Variants in RBM6 observed in about 807,000 individuals in gnomAD.
The protein encoded by RBM6 is RNA-binding protein 6.
Under a neutral mutation model 140.4 loss-of-function variants are expected in RBM6, and 23 were observed. The observed-to-expected ratio is 0.16, with a 90% CI of 0.12 to 0.23. The LOEUF is 0.23. RBM6 is among the 10% of genes least tolerant of loss of function. The pLI, the probability that RBM6 is intolerant of heterozygous loss-of-function variation, is 1.00. For synonymous variants in RBM6, 439 were observed against 475.6 expected, an observed-to-expected ratio of 0.92 and a Z score of 1.00; for missense variants, 1,139 against 1,386.7, an observed-to-expected ratio of 0.82 and a Z score of 2.84.
intron 1 of RBM6, among the ~76,000 whole-genome samples, chr3:49,954,059 C>T (rs1055943582): frequency 1.3e-5 from 2 of 151,548 alleles, no homozygotes; most frequent in Non-Finnish European, 2.9e-5. Flanking sequence ...TGGCTGGAGC[C>T]AGGGAAGCAG....
At chr3:49,946,264 A>C (rs1298442359) in intron 1 of RBM6, among the ~76,000 whole-genome samples, 1 of 151,244 alleles carries the variant, frequency 6.6e-6, no homozygotes, top group Non-Finnish European at 1.5e-5. Flanking sequence ...TTTTGGAGAC[A>C]GATTCTCGCT....
rs2084825935 is a variant in RBM6 at position 49,972,165 on chromosome 3, C to G, written c.1413+17C>G. The G allele has an allele frequency of 1.3e-6, 2 of 1,539,012 alleles. No individual in the cohort carries two copies. Among genetic ancestry groups the G allele is most frequent in the African/African-American group, 1.4e-5 (1 of 72,366 alleles). ...AAAGAAGAGGTAAGGCATGTCTTCTCTCCTGTTTCTCTGTGTCAATTAAAA... is the reference window on the plus strand; with the variant it reads ...AAAGAAGAGGTAAGGCATGTCTTCTGTCCTGTTTCTCTGTGTCAATTAAAA... On this transcript the variant is annotated intron_variant, in intron 4 of 20. Transcript: ENST00000266022.
At chr3:49,959,571 GTTT>G (rs551329901) in intron 1 of RBM6, among the ~76,000 whole-genome samples, 1 of 114,198 alleles carries the variant, frequency 8.8e-6, no homozygotes, top group Non-Finnish European at 1.8e-5. Context: ...TATATTTAGG[GTTT>G]TTTTTTTTTT....
intron 6 of RBM6, among the ~76,000 whole-genome samples, chr3:50,024,651 C>T (rs576937524): frequency 2.0e-5 from 3 of 152,062 alleles, no homozygotes; most frequent in African/African-American, 4.8e-5. Flanking sequence ...AACCACCACC[C>T]GAATGAAAAA....
intron 5 of RBM6, among the ~76,000 whole-genome samples, chr3:49,976,080 A>G (rs1421404023): frequency 6.6e-6 from 1 of 152,198 alleles, no homozygotes; most frequent in East Asian, 1.9e-4. Context: ...TATGTATAAT[A>G]ATAAGTTTAT....
intron 6 of RBM6, among the ~76,000 whole-genome samples, chr3:50,034,679 T>C (rs1473211285): frequency 6.6e-6 from 1 of 152,086 alleles, no homozygotes; most frequent in Non-Finnish European, 1.5e-5. Flanking sequence ...GAGAATTGCT[T>C]GAACCCGGGA....
chr3:49,951,937 G>A (rs145852415), intron 1 of RBM6, among the ~76,000 whole-genome samples: 30 of 152,212 alleles, frequency 2.0e-4, no homozygotes, highest in African/African-American at 6.5e-4. Context: ...TGGTCAGGCT[G>A]GTCTTGATCT....
chr3:49,948,492 C>T (rs533445596), intron 1 of RBM6, among the ~76,000 whole-genome samples: 17 of 151,832 alleles, frequency 1.1e-4, no homozygotes, highest in African/African-American at 2.4e-4. Flanking sequence ...TTTGGGAGGC[C>T]GAGGCAGGTC....
intron 4 of RBM6, among the ~76,000 whole-genome samples, chr3:49,974,673 ATTTTTTTTTTTT>A (rs55872898): frequency 1.4e-5 from 1 of 72,450 alleles, no homozygotes; most frequent in Admixed American, 2.2e-4. Context: ...TGCCCGGCCA[ATTTTTTTTTTTT>A]TTTTTTTTTT....
chr3:49,975,596 A>G (rs757413510), intron 5 of RBM6, among the ~76,000 whole-genome samples: 16 of 152,234 alleles, frequency 1.1e-4, no homozygotes, highest in Non-Finnish European at 2.1e-4. Flanking sequence ...ATGAGGATGC[A>G]TGTTCCAGTT....
intron 16 of RBM6, 124 bp from the exon 17 acceptor site, chr3:50,066,118 A>G (rs1306251816): frequency 7.5e-6 from 8 of 1,063,390 alleles, no homozygotes; most frequent in Non-Finnish European, 1.1e-5. Context: ...AATGAGCAGC[A>G]TGGCTAGTGA....
chr3:49,981,831 G>T (rs2085317112), intron 5 of RBM6, among the ~76,000 whole-genome samples: 1 of 152,102 alleles, frequency 6.6e-6, no homozygotes, highest in Non-Finnish European at 1.5e-5. Context: ...AATTGCTTTT[G>T]ATTTTTAGGT....
chr3:49,984,634 TCG>T (rs1553643643), intron 5 of RBM6, among the ~76,000 whole-genome samples: 1 of 52,948 alleles, frequency 1.9e-5, no homozygotes, highest in Non-Finnish European at 6.0e-5. Flanking sequence ...TCGCATCGCA[TCG>T]CATCGCATCG....
intron 5 of RBM6, among the ~76,000 whole-genome samples, chr3:49,997,407 CGTT>C (rs1433257766): frequency 6.6e-6 from 1 of 152,280 alleles, no homozygotes; most frequent in Non-Finnish European, 1.5e-5. Flanking sequence ...AAAGTATGAA[CGTT>C]GTCATGAATC....
chr3:49,972,016 A>G, intron 3 of RBM6, 43 bp from the exon 4 acceptor site: 1 of 1,400,246 alleles, frequency 7.1e-7, no homozygotes. Context: ...TGTTTTGTGC[A>G]GTAAAGTATA....
chr3:50,065,468 C>A, intron 16 of RBM6: 1 of 446,928 alleles, frequency 2.2e-6, no homozygotes. Flanking sequence ...TCTTTCCTGC[C>A]TTTTGGCATC....
chr3:50,001,469 C>T (rs1002022721), intron 6 of RBM6, among the ~76,000 whole-genome samples: 1 of 151,992 alleles, frequency 6.6e-6, no homozygotes, highest in Non-Finnish European at 1.5e-5. Flanking sequence ...CAAAAAAGTA[C>T]AGTTAACTAT....
At chr3:49,944,430 C>G (rs1026161636) in intron 1 of RBM6, among the ~76,000 whole-genome samples, 1 of 150,354 alleles carries the variant, frequency 6.7e-6, no homozygotes, top group Non-Finnish European at 1.5e-5. Context: ...CACCTTTTTG[C>G]TCTTGTGAAT....
chr3:49,958,875 C>T (rs945621619), intron 1 of RBM6, among the ~76,000 whole-genome samples: 2 of 145,478 alleles, frequency 1.4e-5, no homozygotes, highest in African/African-American at 5.1e-5. Context: ...CTCACTGCAA[C>T]CAACCCCCAC....
Sources: allele counts gnomAD v4.1 joint callset (sites outside exome capture counted in the v4.1 genomes callset), GRCh38; gene constraint gnomAD v4.1.1; transcripts MANE v1.5; gene names NCBI Gene and HGNC (gene_info 2026-07-23, HGNC 2026-07-21).